The following PRRC2B variants were observed in gnomAD, a reference collection of about 807,000 sequenced individuals.
PRRC2B encodes proline rich coiled-coil 2B, also known as protein PRRC2B.
PRRC2B carries 68 observed loss-of-function variants against 242.3 expected under a neutral mutation model. The observed-to-expected ratio is 0.28, with a 90% CI of 0.23 to 0.34. The LOEUF is 0.34. Ranked by LOEUF, PRRC2B falls within the 10% of genes least tolerant of loss-of-function variation. The pLI is 1.00. For missense variants in PRRC2B, 2,835 were observed against 2,954.8 expected, an observed-to-expected ratio of 0.96 and a Z score of 0.94; for synonymous variants, 1,228 against 1,173.6, an observed-to-expected ratio of 1.05 and a Z score of -0.95.
chr9:131,454,022 C>T (rs1942999893), intron 9 of PRRC2B, among the ~76,000 whole-genome samples: 1 of 152,178 alleles, frequency 6.6e-6, no homozygotes, highest in Admixed American at 6.5e-5. Context: ...TACCTGTTGG[C>T]AGGCGCTCTC....
At chr9:131,478,411 T>C in intron 17 of PRRC2B, 63 bp from the exon 18 acceptor site, 1 of 1,509,678 alleles carries the variant, frequency 6.6e-7, no homozygotes, top group East Asian at 2.3e-5. Flanking sequence ...GCCTGTTGAA[T>C]TGGGTTGTTC....
chr9:131,496,634 G>GT lies in PRRC2B; in HGVS notation c.*760_*761insT, dbSNP rs991481837. On this transcript the variant is annotated 3_prime_UTR_variant, in exon 32 of 32. Coordinates refer to ENST00000683519, the MANE Select transcript of PRRC2B (RefSeq NM_013318.4). ...CAGCAGGCAGGTTGGGGGAGGGGGG[G>GT]GGTCATAGTTGGGTTCCAGCTCCTG... 16 of 149,678 alleles carry GT rather than the reference G, an allele frequency of 1.1e-4. No homozygotes were observed. The highest frequency in any genetic ancestry group is 3.7e-4 in the African/African-American group (15 of 40,874). 9.3% of individuals were successfully genotyped at this position (149,678 alleles called of 1,614,324 possible). A position where few individuals can be genotyped will look rare whatever the true frequency, so the allele number is the denominator to read the frequency against.
chr9:131,430,548 TAG>T (rs1838119434), intron 2 of PRRC2B, among the ~76,000 whole-genome samples: 1 of 124,998 alleles, frequency 8.0e-6, no homozygotes, highest in Non-Finnish European at 1.7e-5. Flanking sequence ...TAGATATCTA[TAG>T]GTGTGTGTGT....
At chr9:131,456,369 C>G (rs940130309) in intron 10 of PRRC2B, among the ~76,000 whole-genome samples, 2 of 151,886 alleles carry the variant, frequency 1.3e-5, no homozygotes, top group African/African-American at 2.4e-5. Flanking sequence ...CGGTGGCTCA[C>G]GCCTGTAATC....
intron 30 of PRRC2B, among the ~76,000 whole-genome samples, chr9:131,493,930 A>G (rs1944262754): frequency 6.6e-6 from 1 of 152,116 alleles, no homozygotes; most frequent in African/African-American, 2.4e-5. Context: ...TGGTCAGTGG[A>G]ACACATTTAG....
chr9:131,430,121 C>T lies in PRRC2B; in HGVS notation c.-24C>T. On this transcript the variant is annotated 5_prime_UTR_variant, in exon 2 of 32. Transcript: ENST00000683519. ...CGGGAGCGGTGCCGAGAAAAATTTC[C>T]TTACTAGATGACATTTCATCGCAAT... 6.9e-7 allele frequency: 1 copy of T among 1,453,622 alleles called. No individual in the cohort carries two copies. Among genetic ancestry groups the T allele is most frequent in the Non-Finnish European group, 9.5e-7 (1 of 1,053,162 alleles). The allele number at this position is 1,453,622 out of a possible 1,614,324, so 90.0% of individuals were successfully genotyped here.
At chr9:131,421,753 G>T (rs1220420286) in intron 1 of PRRC2B, among the ~76,000 whole-genome samples, 3 of 152,232 alleles carry the variant, frequency 2.0e-5, no homozygotes, top group Non-Finnish European at 4.4e-5. Context: ...CCTTGGGTGA[G>T]AATCTGGCTG....
In PRRC2B at chr9:131,484,781, T is replaced by G; in HGVS notation, c.5556T>G (p.Leu1852=). The G allele has an allele frequency of 6.2e-7, 1 of 1,609,258 alleles. No individual in the cohort carries two copies. Among genetic ancestry groups the G allele is most frequent in the South Asian group, 1.1e-5 (1 of 90,528 alleles). The change falls in exon 24 of 32, where the codon CTT becomes CTG. Residue 1852 remains leucine (L), a synonymous_variant. Transcript: ENST00000683519. ...LSPMSFPTAD[L]TLKMESARKA... The stretch of plus-strand genomic sequence containing the variant: ...CAATGTCCTTCCCCACCGCCGACCT[T>G]ACTCTGAAGGTAACACCAGCCCTGA...
At position 131,446,548 on chromosome 9, in the gene PRRC2B, C is replaced by G; in HGVS notation, c.761C>G (p.Ser254Cys). 1.9e-6 allele frequency: 3 copies of G among 1,613,952 alleles called. No individual in the cohort carries two copies. The highest frequency in any genetic ancestry group is 2.5e-6 in the Non-Finnish European group (3 of 1,179,864). ...SACTSDSKDP[S>C]LRPAQPVRKG... Reference sequence around the variant, plus strand: ...TGTACCAGCGATTCTAAGGACCCCTCTCTCCGCCCGGCTCAGCCTGTCCGA... The same window carrying G: ...TGTACCAGCGATTCTAAGGACCCCTGTCTCCGCCCGGCTCAGCCTGTCCGA... The change falls in exon 7 of 32, where the codon TCT (serine) becomes TGT (cysteine). Residue 254 changes from serine (S) to cysteine (C), a missense_variant. Physicochemically the swap from Ser to Cys is moderately radical, Grantham distance 112. Around this residue, in one of 7 missense-constraint regions of PRRC2B, gnomAD observed 626 missense variants for 685.5 expected, o/e 0.91. Coordinates refer to ENST00000683519, the MANE Select transcript of PRRC2B (RefSeq NM_013318.4). The surrounding 1 kb of genome is among the most constrained non-coding windows in gnomAD (Gnocchi z 4.1).
In PRRC2B at chr9:131,431,572, T is replaced by A. The variant is rs902300974; in HGVS notation, c.116-1045T>A. On this transcript the variant is annotated intron_variant, in intron 2 of 31. Transcript: ENST00000683519. ...GAGCCACTGCGCCTGGCCAGTGTTA[T>A]CCTTAATAAAGAATTTTTTTTTTTT... Among the ~76,000 whole-genome samples the A allele has an allele frequency of 2.2e-5, 3 of 135,594 alleles. No homozygotes were observed. In the Admixed American group the frequency reaches 2.2e-4, roughly 10 times the overall value. 89.0% of individuals were successfully genotyped at this position (135,594 alleles called of 152,430 possible). A position where few individuals can be genotyped will look rare whatever the true frequency, so the allele number is the denominator to read the frequency against.
At chr9:131,404,960 C>CT (rs1837326346) in intron 1 of PRRC2B, among the ~76,000 whole-genome samples, 1 of 152,174 alleles carries the variant, frequency 6.6e-6, no homozygotes, top group South Asian at 2.1e-4. Context: ...AACTGAATAG[C>CT]TTTTTGGTAA....
intron 1 of PRRC2B, among the ~76,000 whole-genome samples, chr9:131,404,005 T>G (rs2131287558): frequency 6.6e-6 from 1 of 152,240 alleles, no homozygotes; most frequent in Admixed American, 6.5e-5. Flanking sequence ...TGTCTTGAAC[T>G]CCTGGCCTCA....
chr9:131,423,300 C>A (rs1410350972), intron 1 of PRRC2B, among the ~76,000 whole-genome samples: 1 of 152,216 alleles, frequency 6.6e-6, no homozygotes, highest in Admixed American at 6.5e-5. Context: ...TGTTCTCTTG[C>A]CTCAGCCGGC....
At position 131,447,565 on chromosome 9, in the gene PRRC2B, A is replaced by G. The variant is rs375923719; in HGVS notation, c.978-97A>G. ...ACTGATAGAAATAATTAAATCAAAC[A>G]TGAACCTTTGCAGTGTGGAATTTAT... On this transcript the variant is annotated intron_variant, in intron 8 of 31. Transcript: ENST00000683519. The G allele has an allele frequency of 2.3e-5, 28 of 1,192,924 alleles. No homozygotes were observed. In the South Asian group the frequency reaches 4.5e-4, roughly 19 times the overall value. 73.9% of individuals were successfully genotyped at this position (1,192,924 alleles called of 1,614,324 possible). A position where few individuals can be genotyped will look rare whatever the true frequency, so the allele number is the denominator to read the frequency against.
intron 1 of PRRC2B, among the ~76,000 whole-genome samples, chr9:131,408,396 T>C (rs1489427507): frequency 6.6e-6 from 1 of 152,212 alleles, no homozygotes; most frequent in African/African-American, 2.4e-5. Context: ...GTTGGACATT[T>C]CCGTAGGGAA....
Position 131,475,364 on chromosome 9 carries a change from C to T in PRRC2B, c.3235C>T (p.Arg1079Trp), listed in dbSNP as rs765537018. The T allele has an allele frequency of 9.5e-6, 15 of 1,585,432 alleles. No homozygotes were observed. Among genetic ancestry groups the T allele is most frequent in the East Asian group, 2.2e-5 (1 of 44,606 alleles). ...TTTCAGAGAGTTCACTTTTCGTGGT[C>T]GGCCTGCTGGCGGAAATGGGAGCGG... ...RGFREFTFRGRPAGGNGSGLC... is the reference protein window; with the variant it reads ...RGFREFTFRGWPAGGNGSGLC... Residue 1079 changes from arginine (R) to tryptophan (W), a missense_variant, in exon 16 of 32, where the codon CGG becomes TGG. Physicochemically the swap from Arg to Trp is moderately radical, Grantham distance 101. Transcript: ENST00000683519.
At chr9:131,401,499 G>A (rs767434598) in intron 1 of PRRC2B, among the ~76,000 whole-genome samples, 7 of 150,252 alleles carry the variant, frequency 4.7e-5, no homozygotes, top group South Asian at 2.1e-4. Context: ...ACAGGCACAC[G>A]CCACCACACC....
At chr9:131,491,368 G>T (rs565538414) in intron 28 of PRRC2B, 57 bp from the exon 29 acceptor site, 2 of 1,503,798 alleles carry the variant, frequency 1.3e-6, no homozygotes, top group African/African-American at 2.8e-5. Context: ...TCTTTGGTGC[G>T]TTTGGGGTTT....
rs765769516 is a variant in PRRC2B, at chr9:131,474,494, G to A, written c.2365G>A (p.Gly789Ser). 7 of 1,613,946 alleles carry A rather than the reference G, an allele frequency of 4.3e-6. No individual in the cohort carries two copies. The highest frequency in any genetic ancestry group is 5.1e-6 in the Non-Finnish European group (6 of 1,179,872). The change falls in exon 16 of 32, where the codon GGC becomes AGC. Residue 789 changes from glycine to serine, a missense_variant. By Grantham distance (56) the Gly-to-Ser change is moderately conservative. This residue lies in a region of PRRC2B where 1,536 missense variants were observed against 1,483.1 expected (regional missense o/e 1.04). Coordinates refer to ENST00000683519, the MANE Select transcript of PRRC2B (RefSeq NM_013318.4). The stretch of plus-strand genomic sequence containing the variant: ...CTCTGCCTCACTCGGAAGGGCAGGG[G>A]GCGTAAGTGCTCAGCGCGATCTCTT... ...SFSASLGRAGGVSAQRDLFEE... is the reference protein window; with the variant it reads ...SFSASLGRAGSVSAQRDLFEE...
Sources: gnomAD v4.1 joint callset for allele counts (sites outside exome capture counted in the v4.1 genomes callset) on GRCh38, gnomAD v4.1.1 for gene constraint, gnomAD v4.1.1 regional missense constraint, Gnocchi (gnomAD v3.1) non-coding constraint, MANE v1.5 for transcripts, NCBI Gene and HGNC (gene_info 2026-07-23, HGNC 2026-07-21) for gene names.